PIWIL1: variants seen among roughly 807,000 people sequenced by gnomAD.
PIWIL1 encodes piwi like RNA-mediated gene silencing 1.
Under a neutral mutation model 114.4 loss-of-function variants are expected in PIWIL1, and 73 were observed. The observed-to-expected ratio is 0.64, with a 90% confidence interval of 0.53 to 0.78. PIWIL1 has a LOEUF of 0.78. Ranked by LOEUF, PIWIL1 falls within the 30% of genes least tolerant of loss-of-function variation. PIWIL1 has a pLI of 0.00. For missense variants in PIWIL1, 723 were observed against 1,063.1 expected (o/e 0.68, Z 4.45); for synonymous variants, 375 against 369.0 (o/e 1.02, Z -0.19).
intron 16 of PIWIL1, among the ~76,000 whole-genome samples, chr12:130,362,232 C>G (rs2073532244): frequency 6.6e-6 from 1 of 152,146 alleles, no homozygotes; most frequent in Admixed American, 6.5e-5. Flanking sequence ...CTCCCACCTT[C>G]CACCCCCAAG....
At chr12:130,405,511 G>C in the PIWIL1 span, among the ~76,000 whole-genome samples, 32 of 152,184 alleles carry the variant, frequency 2.1e-4, no homozygotes, top group Admixed American at 2.0e-3. Context: ...TCTGGTCAGG[G>C]AGGGGCAGCT....
chr12:130,398,269 A>G, the PIWIL1 span: 2 of 152,238 alleles, frequency 1.3e-5, no homozygotes, highest in Non-Finnish European at 2.9e-5. Flanking sequence ...ACAGCTAAGC[A>G]TGTGCCTGAG....
chr12:130,423,730 GA>G, the PIWIL1 span, among the ~76,000 whole-genome samples: 1 of 101,190 alleles, frequency 9.9e-6, no homozygotes, highest in Non-Finnish European at 2.0e-5. Flanking sequence ...AGAAAGCAAT[GA>G]AAAAAACTCC....
the PIWIL1 span, among the ~76,000 whole-genome samples, chr12:130,381,840 A>T: frequency 6.6e-6 from 1 of 152,128 alleles, no homozygotes; most frequent in Non-Finnish European, 1.5e-5. Flanking sequence ...GGTTTTGGCC[A>T]TTCTGATAGG....
intron 1 of PIWIL1, among the ~76,000 whole-genome samples, chr12:130,338,693 C>T (rs546142379): frequency 1.7e-4 from 5 of 29,140 alleles, no homozygotes; most frequent in Admixed American, 9.2e-4. Flanking sequence ...GTCCCAGGTG[C>T]GGGGGATGCA....
chr12:130,402,348 T>TC, the PIWIL1 span, among the ~76,000 whole-genome samples: 1 of 151,770 alleles, frequency 6.6e-6, no homozygotes. Context: ...AATCGAAGGC[T>TC]CCCCCAGACG....
downstream of PIWIL1, among the ~76,000 whole-genome samples, chr12:130,375,979 G>A (rs140536258): frequency 6.8e-4 from 103 of 152,232 alleles, 1 homozygote; most frequent in African/African-American, 2.3e-3. Flanking sequence ...GCTGGTTCTT[G>A]TCTCTAAGGC....
In PIWIL1 at chr12:130,349,222, C is replaced by T. The variant is rs756920166; in HGVS notation, c.735-17C>T. The stretch of plus-strand genomic sequence containing the variant: ...GAATGTGGAGAGGTTCTTCATGACC[C>T]CCATCTCGTCTGACAGGTTGGTGAT... On this transcript the variant is annotated splice_polypyrimidine_tract_variant and intron_variant, in intron 7 of 20. Transcript: ENST00000245255. 6.2e-7 allele frequency: 1 copy of T among 1,603,680 alleles called. No homozygotes were observed. The highest frequency in any genetic ancestry group is 8.5e-7 in the Non-Finnish European group (1 of 1,170,948).
chr12:130,419,254 G>A, the PIWIL1 span, among the ~76,000 whole-genome samples: 59 of 152,236 alleles, frequency 3.9e-4, no homozygotes, highest in Non-Finnish European at 8.4e-4. This position sits in a 1 kb window ranked among gnomAD's most constrained non-coding sequence, Gnocchi z 4.3. Context: ...TCTGACCCTG[G>A]GGGGAGTGGG....
rs1226403717 is a variant in PIWIL1, at chr12:130,367,317, T to C, written c.2321+59T>C. The C allele has an allele frequency of 3.3e-6, 5 of 1,528,530 alleles. No homozygotes were observed. The East Asian group carries it at 1.1e-4, about 35-fold the overall frequency. 94.7% of individuals were successfully genotyped at this position (1,528,530 alleles called of 1,614,324 possible). A position where few individuals can be genotyped will look rare whatever the true frequency, so the allele number is the denominator to read the frequency against. On this transcript the variant is annotated intron_variant, in intron 19 of 20. Coordinates refer to ENST00000245255, the MANE Select transcript of PIWIL1 (RefSeq NM_004764.5). ...CTCCTTGGTGGTGGTTTCTTTAGCATGGCCCCTATGCTTTACCAATTTTAA... is the reference window on the plus strand; with the variant it reads ...CTCCTTGGTGGTGGTTTCTTTAGCACGGCCCCTATGCTTTACCAATTTTAA...
chr12:130,357,073 AGCCATGGGCAT>A lies in PIWIL1; in HGVS notation c.1563_1573del (p.Met522AsnfsTer8). On this transcript the variant is annotated frameshift_variant, in exon 13 of 21. Coordinates refer to ENST00000245255, the MANE Select transcript of PIWIL1 (RefSeq NM_004764.5). LOFTEE classifies it high-confidence loss of function. The stretch of plus-strand genomic sequence containing the variant: ...TACAAAATCTATTTAAAGTTACACC[AGCCATGGGCAT>A]GCAAATGAGAAAAGCAATAATGTAA... 6.2e-7 allele frequency: 1 copy of A among 1,611,302 alleles called. No homozygotes were observed.
At chr12:130,367,744 G>T (rs981325557) in intron 19 of PIWIL1, among the ~76,000 whole-genome samples, 2 of 152,194 alleles carry the variant, frequency 1.3e-5, no homozygotes, top group Admixed American at 1.3e-4. Context: ...AGCGGGCACC[G>T]GCAGGCACAG....
chr12:130,411,892 T>G, the PIWIL1 span, among the ~76,000 whole-genome samples: 1 of 152,194 alleles, frequency 6.6e-6, no homozygotes, highest in Non-Finnish European at 1.5e-5. Flanking sequence ...GCACAGAATT[T>G]TGTCTTTGAA....
intron 12 of PIWIL1, 130 bp from the exon 13 acceptor site, chr12:130,356,788 C>A: frequency 1.7e-6 from 1 of 574,528 alleles, no homozygotes; most frequent in Non-Finnish European, 2.9e-6. Flanking sequence ...TTTTCTCTGT[C>A]CCTTTAATTC....
At chr12:130,379,033 G>A in the PIWIL1 span, among the ~76,000 whole-genome samples, 1 of 152,214 alleles carries the variant, frequency 6.6e-6, no homozygotes, top group South Asian at 2.1e-4. Flanking sequence ...ATGCATGGTT[G>A]AAAATGTAAT....
At chr12:130,348,906 TA>T (rs984334597) in intron 7 of PIWIL1, among the ~76,000 whole-genome samples, 1 of 151,772 alleles carries the variant, frequency 6.6e-6, no homozygotes, top group Non-Finnish European at 1.5e-5. Flanking sequence ...AATAAATAAA[TA>T]AAAAACAAAA....
At chr12:130,353,865 G>C (rs949886607) in intron 9 of PIWIL1, among the ~76,000 whole-genome samples, 21 of 151,774 alleles carry the variant, frequency 1.4e-4, no homozygotes, top group Non-Finnish European at 1.5e-5. Flanking sequence ...GGCGGAGGTT[G>C]CAGTGAGCCA....
chr12:130,418,302 T>A, the PIWIL1 span, among the ~76,000 whole-genome samples: 1 of 152,244 alleles, frequency 6.6e-6, no homozygotes, highest in Non-Finnish European at 1.5e-5. Flanking sequence ...CAGGCTGTTA[T>A]GATTTTGTTG....
chr12:130,374,802 T>C (rs142782977), downstream of PIWIL1, among the ~76,000 whole-genome samples: 1 of 152,270 alleles, frequency 6.6e-6, no homozygotes, highest in Non-Finnish European at 1.5e-5. Context: ...CTCTTTGCAG[T>C]CTCTTTTTTG....
Sources: gnomAD v4.1 joint callset for allele counts (sites outside exome capture counted in the v4.1 genomes callset) on GRCh38, gnomAD v4.1.1 for gene constraint, Gnocchi (gnomAD v3.1) non-coding constraint, MANE v1.5 for transcripts, NCBI Gene and HGNC (gene_info 2026-07-23, HGNC 2026-07-21) for gene names.